GLI2: variants seen among roughly 807,000 people sequenced by gnomAD.
The protein encoded by GLI2 is GLI family zinc finger 2, also known as transcription activator GLI2.
Under a neutral mutation model 78.9 loss-of-function variants are expected in GLI2, and 22 were observed. The ratio of observed to expected loss-of-function variants is 0.28; its 90% CI spans 0.20 to 0.40. The LOEUF is 0.40. Ranked by LOEUF, GLI2 falls within the 10% of genes least tolerant of loss-of-function variation. The probability of loss-of-function intolerance (pLI) is 1.00; values close to 1 mark genes in which losing one functional copy is unlikely to be tolerated. For missense variants in GLI2, 2,097 were observed against 2,213.2 expected (o/e 0.95, Z 1.05); for synonymous variants, 974 against 963.7 (o/e 1.01, Z -0.20).
At chr2:120,787,740 C>T (rs1025958051) in intron 1 of GLI2, among the ~76,000 whole-genome samples, 4 of 152,366 alleles carry the variant, frequency 2.6e-5, no homozygotes, top group Admixed American at 1.3e-4. Flanking sequence ...CCTCAGAGCA[C>T]GTCCCAACCC....
At chr2:120,842,948 G>C (rs1686954841) in intron 2 of GLI2, among the ~76,000 whole-genome samples, 2 of 152,198 alleles carry the variant, frequency 1.3e-5, no homozygotes, top group African/African-American at 2.4e-5. Flanking sequence ...GGCCCAGCTG[G>C]AAGTCTGGTT....
At chr2:120,873,164 A>G (rs909269206) in intron 2 of GLI2, among the ~76,000 whole-genome samples, 1 of 152,224 alleles carries the variant, frequency 6.6e-6, no homozygotes, top group Non-Finnish European at 1.5e-5. Flanking sequence ...CTTTCCGTTC[A>G]AGTTTTTCTG....
chr2:120,976,694 G>A (rs937932430), intron 9 of GLI2, among the ~76,000 whole-genome samples: 6 of 152,216 alleles, frequency 3.9e-5, no homozygotes, highest in African/African-American at 9.6e-5. Context: ...AGATGAATGC[G>A]GAGGGTCCCC....
At chr2:120,812,939 G>A (rs1310318649) in intron 2 of GLI2, among the ~76,000 whole-genome samples, 1 of 152,198 alleles carries the variant, frequency 6.6e-6, no homozygotes, top group Non-Finnish European at 1.5e-5. Flanking sequence ...ACTGAAGAAG[G>A]CGGGGACACC....
intron 1 of GLI2, among the ~76,000 whole-genome samples, chr2:120,773,357 C>T (rs1266873924): frequency 1.3e-5 from 2 of 152,120 alleles, no homozygotes; most frequent in Non-Finnish European, 2.9e-5. Flanking sequence ...AAGCCAAGCC[C>T]TGCAGTGTGA....
chr2:120,962,125 A>G (rs1358606565), intron 5 of GLI2, among the ~76,000 whole-genome samples: 1 of 152,134 alleles, frequency 6.6e-6, no homozygotes, highest in Non-Finnish European at 1.5e-5. Context: ...CTGGTAGCCC[A>G]TCTTCTGCAT....
At chr2:120,862,699 C>T (rs995507337) in intron 2 of GLI2, among the ~76,000 whole-genome samples, 4 of 152,168 alleles carry the variant, frequency 2.6e-5, no homozygotes, top group East Asian at 1.9e-4. Flanking sequence ...TATTCATTAT[C>T]GCTTCACTGG....
intron 1 of GLI2, among the ~76,000 whole-genome samples, chr2:120,743,899 C>T (rs1682623595): frequency 6.6e-6 from 1 of 152,192 alleles, no homozygotes; most frequent in Non-Finnish European, 1.5e-5. Flanking sequence ...AAGGGAAGGT[C>T]TTGGGTACCC....
chr2:120,825,919 C>G (rs1030952732), intron 2 of GLI2, among the ~76,000 whole-genome samples: 2 of 152,250 alleles, frequency 1.3e-5, no homozygotes, highest in Admixed American at 6.5e-5. Context: ...CTTGCACAAG[C>G]CTTGGCTGCT....
At chr2:120,927,581 T>G in intron 3 of GLI2, 115 bp downstream of exon 3, 1 of 787,324 alleles carries the variant, frequency 1.3e-6, no homozygotes, top group Non-Finnish European at 2.3e-6. Context: ...GGGTTCCTGA[T>G]CTACATTGTC....
chr2:120,957,622 G>A (rs1558914240), intron 5 of GLI2, among the ~76,000 whole-genome samples: 2 of 152,330 alleles, frequency 1.3e-5, no homozygotes. Context: ...GAGAAACCAC[G>A]GCCAAGAGAG....
rs887349872 is a variant in GLI2 at position 120,882,600 on chromosome 2, G to A, written c.149-44761G>A. Among the ~76,000 whole-genome samples the A allele has an allele frequency of 4.6e-5, 7 of 152,222 alleles. No individual in the cohort carries two copies. The East Asian group carries it at 5.8e-4, about 13-fold the overall frequency. Reference sequence around the variant, plus strand: ...GGCCTGCTGGGCTGTCTTTGAGCGCGGGTGTCTGGGCCCACCCTCCTCTGT... The same window carrying A: ...GGCCTGCTGGGCTGTCTTTGAGCGCAGGTGTCTGGGCCCACCCTCCTCTGT... On this transcript the variant is annotated intron_variant, in intron 2 of 13. Coordinates refer to ENST00000361492, the MANE Select transcript of GLI2 (RefSeq NM_001374353.1).
At chr2:120,828,122 A>G (rs1360160908) in intron 2 of GLI2, among the ~76,000 whole-genome samples, 2 of 152,268 alleles carry the variant, frequency 1.3e-5, no homozygotes, top group Non-Finnish European at 2.9e-5. Flanking sequence ...ATGGACTTCT[A>G]AAGCTTCCGT....
chr2:120,847,922 G>T (rs1040261612), intron 2 of GLI2, among the ~76,000 whole-genome samples: 5 of 152,204 alleles, frequency 3.3e-5, no homozygotes, highest in Admixed American at 6.5e-5. Flanking sequence ...GCTGTGGGGA[G>T]GGGGTGCAGC....
intron 4 of GLI2, among the ~76,000 whole-genome samples, chr2:120,952,163 C>G (rs981080603): frequency 2.0e-5 from 3 of 152,364 alleles, no homozygotes; most frequent in African/African-American, 2.4e-5. Flanking sequence ...TGCCGTCTCC[C>G]TGGGAAGTGC....
chr2:120,852,089 G>A (rs1198410706), intron 2 of GLI2, among the ~76,000 whole-genome samples: 1 of 152,172 alleles, frequency 6.6e-6, no homozygotes, highest in East Asian at 1.9e-4. Context: ...TCCACACTAA[G>A]GGCGAGAAGT....
chr2:120,796,203 T>C (rs889692401), intron 1 of GLI2, among the ~76,000 whole-genome samples: 3 of 152,138 alleles, frequency 2.0e-5, no homozygotes, highest in African/African-American at 7.2e-5. Context: ...TGGGTGTTCC[T>C]CCCTTGCTCA....
chr2:120,840,502 C>T (rs1686814746), intron 2 of GLI2, among the ~76,000 whole-genome samples: 1 of 152,208 alleles, frequency 6.6e-6, no homozygotes, highest in Admixed American at 6.5e-5. Context: ...GCTATCCCTC[C>T]AAAGTGCTTT....
At chr2:120,799,701 G>A (rs907936943) in intron 2 of GLI2, among the ~76,000 whole-genome samples, 3 of 152,192 alleles carry the variant, frequency 2.0e-5, no homozygotes, top group African/African-American at 7.2e-5. Flanking sequence ...CAGTCTTTAT[G>A]ATCTTGGAAC....
Sources: gnomAD v4.1 joint callset for allele counts (sites outside exome capture counted in the v4.1 genomes callset) on GRCh38, gnomAD v4.1.1 for gene constraint, MANE v1.5 for transcripts, NCBI Gene and HGNC (gene_info 2026-07-23, HGNC 2026-07-21) for gene names.